Variants in DENND3 observed in about 807,000 individuals in gnomAD.
The protein encoded by DENND3 is DENN domain-containing protein 3.
A neutral mutation model predicts 135.1 loss-of-function variants in DENND3; 88 were observed. That is an observed-to-expected ratio of 0.65 (90% CI 0.55 to 0.78). The LOEUF is 0.78. Among genes scored for constraint, DENND3 ranks in the 30% least tolerant of loss-of-function variants. The pLI is 0.00. For synonymous variants in DENND3, 693 were observed against 712.3 expected, an observed-to-expected ratio of 0.97 and a Z score of 0.43; for missense variants, 1,392 against 1,688.4, an observed-to-expected ratio of 0.82 and a Z score of 3.08.
chr8:141,193,670 T>TATATCTA (rs1278858633), intron 22 of DENND3: 1 of 219,916 alleles, frequency 4.5e-6, no homozygotes, highest in African/African-American at 2.2e-5. Context: ...AAAAATTATA[T>TATATCTA]ATATCTAAGG....
At chr8:141,148,556 T>G (rs1026866989) in intron 5 of DENND3, among the ~76,000 whole-genome samples, 2 of 152,216 alleles carry the variant, frequency 1.3e-5, no homozygotes, top group Non-Finnish European at 2.9e-5. Context: ...ACACCTGTTC[T>G]TTCCTGGGGC....
intron 9 of DENND3, 131 bp downstream of exon 9, chr8:141,160,918 GC>G: frequency 8.5e-7 from 1 of 1,171,372 alleles, no homozygotes; most frequent in East Asian, 2.7e-5. Context: ...AGTGGTCCCC[GC>G]CCCCTGCCAA....
At position 141,192,601 on chromosome 8, in the gene DENND3, C is replaced by A. The variant is rs760331810; in HGVS notation, c.3574C>A (p.Pro1192Thr). ...GAGCCTGAAGGACCTGGCCCAGCCCCCGCAGAGGGTGCCCCTCGAGGACTG... is the reference window on the plus strand; with the variant it reads ...GAGCCTGAAGGACCTGGCCCAGCCCACGCAGAGGGTGCCCCTCGAGGACTG... ...IWSLKDLAQP[P>T]QRVPLEDCSE... The change falls in exon 22 of 23, where the codon CCG becomes ACG. Residue 1192 changes from proline (P) to threonine (T), a missense_variant. Pro to Thr is a conservative substitution (Grantham distance 38). Coordinates refer to ENST00000519811, the MANE Select transcript of DENND3 (RefSeq NM_001352890.3). The A allele has an allele frequency of 1.1e-5, 18 of 1,589,282 alleles. No individual in the cohort carries two copies. The highest frequency in any genetic ancestry group is 1.5e-5 in the Non-Finnish European group (18 of 1,164,582).
At chr8:141,165,589 T>C (rs1820684885) in intron 11 of DENND3, among the ~76,000 whole-genome samples, 1 of 151,800 alleles carries the variant, frequency 6.6e-6, no homozygotes, top group African/African-American at 2.4e-5. Context: ...CTCAGCCTCC[T>C]GAGTAGCTGG....
Position 141,194,202 on chromosome 8 carries a change from A to C in DENND3, c.3806A>C (p.Glu1269Ala). ...GTGCTGAGTGGGTCGGGCAGGGAGG[A>C]GGGGAAAGTCGCCATTTGGAAAGGC... ...RYVLSGSGRE[E>A]GKVAIWKGE Residue 1269 changes from glutamate (E) to alanine (A), a missense_variant, in exon 23 of 23, where the codon GAG becomes GCG. Physicochemically the swap from Glu to Ala is moderately radical, Grantham distance 107 (BLOSUM62 -1). Coordinates refer to ENST00000519811, the MANE Select transcript of DENND3 (RefSeq NM_001352890.3). 3.1e-6 allele frequency: 5 copies of C among 1,612,984 alleles called. No homozygotes were observed. The highest frequency in any genetic ancestry group is 4.2e-6 in the Non-Finnish European group (5 of 1,179,878).
intron 15 of DENND3, 143 bp downstream of exon 15, chr8:141,176,904 A>T: frequency 3.4e-6 from 3 of 873,850 alleles, no homozygotes; most frequent in Non-Finnish European, 5.3e-6. Context: ...GTCGGACACC[A>T]TCTTGACAGA....
intron 17 of DENND3, among the ~76,000 whole-genome samples, chr8:141,181,837 A>G (rs747795419): frequency 4.6e-5 from 7 of 151,840 alleles, no homozygotes; most frequent in Non-Finnish European, 1.0e-4. Context: ...AGTTGGTGCA[A>G]TCATGGCTCA....
In DENND3 at chr8:141,194,560, T is replaced by C. The variant is rs1036875351; in HGVS notation, c.*327T>C. 1.8e-5 allele frequency: 6 copies of C among 336,336 alleles called. No individual in the cohort carries two copies. The East Asian group carries it at 1.9e-4, about 11-fold the overall frequency. The allele number at this position is 336,336 out of a possible 1,614,324, so 20.8% of individuals were successfully genotyped here. On this transcript the variant is annotated 3_prime_UTR_variant, in exon 23 of 23. Transcript: ENST00000519811. ...GGAATCCACAACCAGGGGCTGGCACTGGAGCCAGCAGCTTGGCCGAGTCAC... is the reference window on the plus strand; with the variant it reads ...GGAATCCACAACCAGGGGCTGGCACCGGAGCCAGCAGCTTGGCCGAGTCAC...
intron 8 of DENND3, 41 bp downstream of exon 8, chr8:141,156,011 T>A: frequency 6.4e-7 from 1 of 1,564,352 alleles, no homozygotes; most frequent in Non-Finnish European, 8.7e-7. Context: ...AGACCGTCTT[T>A]GTTCAGATTC....
chr8:141,142,911 G>A (rs1309211614), intron 4 of DENND3: 1 of 156,448 alleles, frequency 6.4e-6, no homozygotes, highest in East Asian at 1.9e-4. Flanking sequence ...CCTGGTCGAT[G>A]TTATGTGTGT....
Position 141,138,198 on chromosome 8 carries a change from A to G in DENND3, c.501+61A>G, listed in dbSNP as rs1817010036. 1.4e-6 allele frequency: 2 copies of G among 1,463,298 alleles called. No individual in the cohort carries two copies. Among genetic ancestry groups the G allele is most frequent in the Admixed American group, 2.0e-5 (1 of 50,700 alleles). 90.6% of individuals were successfully genotyped at this position (1,463,298 alleles called of 1,614,324 possible). On this transcript the variant is annotated intron_variant, in intron 3 of 22. Transcript: ENST00000519811. The surrounding 1 kb of genome is among the most constrained non-coding windows in gnomAD (Gnocchi z 4.8). ...TTTAGATTTTTTATTATGGTGAAAT[A>G]CACATAACACAACATTCACCATTCT...
In DENND3 at chr8:141,144,220, G is replaced by GTC; in HGVS notation, c.698_699dup (p.Ile235Ter). On this transcript the variant is annotated frameshift_variant, in exon 5 of 23. Transcript: ENST00000519811. LOFTEE classifies it high-confidence loss of function. This position sits in a 1 kb window ranked among gnomAD's most constrained non-coding sequence, Gnocchi z 4.4. ...ATATAAAAGATTTCGCTGCGAAGCTGTCTTTAATACCCAGCCCGCCACCTG... is the reference window on the plus strand; with the variant it reads ...ATATAAAAGATTTCGCTGCGAAGCTGTCTCTTTAATACCCAGCCCGCCACCTG... 6.2e-7 allele frequency: 1 copy of GTC among 1,613,974 alleles called. No individual in the cohort carries two copies. Among genetic ancestry groups the GTC allele is most frequent in the Non-Finnish European group, 8.5e-7 (1 of 1,179,942 alleles).
chr8:141,143,303 G>C (rs550737785), intron 4 of DENND3, among the ~76,000 whole-genome samples: 1 of 152,108 alleles, frequency 6.6e-6, no homozygotes, highest in East Asian at 1.9e-4. Flanking sequence ...TTAAGTTCTA[G>C]GGTACATGTG....
chr8:141,136,524 G>A lies in DENND3; in HGVS notation c.118G>A (p.Gly40Arg), dbSNP rs1205613047. 6.5e-7 allele frequency: 1 copy of A among 1,545,594 alleles called. No homozygotes were observed. Among genetic ancestry groups the A allele is most frequent in the African/African-American group, 1.4e-5 (1 of 72,742 alleles). Reference protein sequence around the residue: ...RSLEQVAYKKGVKHLSALLDP... With the variant: ...RSLEQVAYKKRVKHLSALLDP... ...CCTTTTTTAGGTTGCTTATAAAAAGGGAGTCAAACATCTTTCTGCTCTTCT... is the reference window on the plus strand; with the variant it reads ...CCTTTTTTAGGTTGCTTATAAAAAGAGAGTCAAACATCTTTCTGCTCTTCT... Residue 40 changes from glycine to arginine, a missense_variant, in exon 2 of 23, where the codon GGA becomes AGA. Coordinates refer to ENST00000519811, the MANE Select transcript of DENND3 (RefSeq NM_001352890.3).
intron 5 of DENND3, 50 bp from the exon 6 acceptor site, chr8:141,150,784 C>A (rs753257244): frequency 1.3e-5 from 20 of 1,526,892 alleles, no homozygotes; most frequent in Non-Finnish European, 1.8e-5. Flanking sequence ...GCACGTCAGC[C>A]TCTGCCCGGA....
chr8:141,191,162 C>T (rs1191231160), intron 20 of DENND3: 2 of 152,264 alleles, frequency 1.3e-5, no homozygotes, highest in African/African-American at 4.8e-5. Flanking sequence ...GTTTCCGTCA[C>T]AGCTGAAAGC....
chr8:141,186,449 G>A (rs910392237), intron 18 of DENND3, among the ~76,000 whole-genome samples: 1 of 152,344 alleles, frequency 6.6e-6, no homozygotes, highest in East Asian at 1.9e-4. Flanking sequence ...CAGGCTGTAC[G>A]TGGCCCAGGA....
intron 5 of DENND3, among the ~76,000 whole-genome samples, chr8:141,147,720 C>G (rs1227207961): frequency 6.6e-6 from 1 of 152,228 alleles, no homozygotes; most frequent in African/African-American, 2.4e-5. Flanking sequence ...ATGTTCGTCT[C>G]CCCCATCAGA....
chr8:141,150,180 C>A, intron 5 of DENND3: 1 of 476,054 alleles, frequency 2.1e-6, no homozygotes. Flanking sequence ...CACGTGCCAG[C>A]ACCCGGGTGG....
Sources: allele counts gnomAD v4.1 joint callset (sites outside exome capture counted in the v4.1 genomes callset), GRCh38; gene constraint gnomAD v4.1.1; non-coding constraint Gnocchi (gnomAD v3.1); transcripts MANE v1.5; gene names NCBI Gene and HGNC (gene_info 2026-07-23, HGNC 2026-07-21).